Variants in SNAP47 observed in about 807,000 individuals in gnomAD.
SNAP47 encodes synaptosomal-associated protein 47.
SNAP47 carries 20 observed loss-of-function variants against 31.4 expected under a neutral mutation model. The ratio of observed to expected loss-of-function variants is 0.64; its 90% CI spans 0.45 to 0.93. The LOEUF (loss-of-function observed/expected upper bound fraction) is 0.93. SNAP47 is among the 40% of genes least tolerant of loss of function. SNAP47 has a pLI of 0.00. For synonymous variants in SNAP47, 194 were observed against 213.4 expected (o/e 0.91, Z 0.79); for missense variants, 492 against 528.5 (o/e 0.93, Z 0.68).
intron 2 of SNAP47, among the ~76,000 whole-genome samples, chr1:227,752,398 C>A (rs1347264850): frequency 6.6e-6 from 1 of 152,132 alleles, no homozygotes; most frequent in African/African-American, 2.4e-5. Flanking sequence ...CTTGGCCACT[C>A]TCTCCCCGCT....
upstream of SNAP47, chr1:227,734,554 T>C: frequency 8.7e-7 from 1 of 1,149,294 alleles, no homozygotes; most frequent in Non-Finnish European, 1.3e-6. Context: ...GAAAAATAGC[T>C]CCGTTGTGCA....
At chr1:227,765,559 G>A (rs1453131392) in intron 3 of SNAP47, among the ~76,000 whole-genome samples, 1 of 152,244 alleles carries the variant, frequency 6.6e-6, no homozygotes, top group Non-Finnish European at 1.5e-5. Context: ...GCTTCCCAGA[G>A]AGCACCCACA....
chr1:227,750,754 A>G (rs1410866543), intron 2 of SNAP47, among the ~76,000 whole-genome samples: 2 of 152,294 alleles, frequency 1.3e-5, no homozygotes, highest in African/African-American at 2.4e-5. Context: ...TGGGTGCACA[A>G]TGTGGCTTTC....
upstream of SNAP47, chr1:227,734,785 C>T: frequency 1.2e-6 from 2 of 1,614,058 alleles, no homozygotes; most frequent in African/African-American, 2.7e-5. Flanking sequence ...ATTCCTGGAC[C>T]CCACAGTTTG....
intron 2 of SNAP47, among the ~76,000 whole-genome samples, chr1:227,757,494 C>G (rs1484264305): frequency 6.6e-6 from 1 of 152,160 alleles, no homozygotes; most frequent in Admixed American, 6.5e-5. Context: ...AACTGTGCAC[C>G]TTTTGTTTTA....
At chr1:227,776,132 C>A in intron 4 of SNAP47, 1 of 1,161,356 alleles carries the variant, frequency 8.6e-7, no homozygotes, top group Non-Finnish European at 1.1e-6. Flanking sequence ...CTGGCTCTGA[C>A]GCCCTCAGCG....
At chr1:227,768,229 C>G (rs988355061) in intron 4 of SNAP47, 35 of 973,412 alleles carry the variant, frequency 3.6e-5, no homozygotes, top group Non-Finnish European at 4.2e-5. Flanking sequence ...GTGCAGCTTC[C>G]GTCTCGTCTT....
intron 4 of SNAP47, among the ~76,000 whole-genome samples, chr1:227,772,942 G>A (rs1663916180): frequency 1.3e-5 from 2 of 152,030 alleles, no homozygotes; most frequent in Admixed American, 1.3e-4. Context: ...TTTGATTACT[G>A]TAGCTTTGTC....
intron 1 of SNAP47, among the ~76,000 whole-genome samples, chr1:227,740,126 T>G (rs1457556604): frequency 1.3e-5 from 2 of 152,206 alleles, no homozygotes; most frequent in African/African-American, 4.8e-5. Flanking sequence ...GAGTTTTGCT[T>G]GGGCCATGGT....
At chr1:227,738,006 G>T (rs532253828) in intron 1 of SNAP47, among the ~76,000 whole-genome samples, 26 of 151,582 alleles carry the variant, frequency 1.7e-4, no homozygotes, top group East Asian at 1.6e-3. Flanking sequence ...TTTTGCTTTG[G>T]TTTTTTTTGG....
chr1:227,748,338 C>G, intron 2 of SNAP47, 105 bp downstream of exon 2: 1 of 1,269,736 alleles, frequency 7.9e-7, no homozygotes, highest in Non-Finnish European at 1.1e-6. Flanking sequence ...TTGCACACAT[C>G]CAGCATTCTG....
chr1:227,739,813 A>C (rs1661470427), intron 1 of SNAP47, among the ~76,000 whole-genome samples: 1 of 151,952 alleles, frequency 6.6e-6, no homozygotes, highest in Non-Finnish European at 1.5e-5. Context: ...CCTGGCCATG[A>C]CCTCCCTCGA....
chr1:227,750,071 C>T (rs1386307828), intron 2 of SNAP47, among the ~76,000 whole-genome samples: 1 of 152,202 alleles, frequency 6.6e-6, no homozygotes, highest in Non-Finnish European at 1.5e-5. Context: ...ATTGGTGCAT[C>T]AGTATTGCAT....
chr1:227,769,463 C>T (rs1663650189), intron 4 of SNAP47, among the ~76,000 whole-genome samples: 1 of 151,932 alleles, frequency 6.6e-6, no homozygotes, highest in Admixed American at 6.6e-5. Context: ...ACAGTTGAAG[C>T]TCAAGCAGAA....
At chr1:227,733,152 TC>T, upstream of SNAP47, 1 of 1,104,440 alleles carries the variant, frequency 9.1e-7, no homozygotes, top group South Asian at 1.5e-5. Flanking sequence ...CCCTCCTGTC[TC>T]CCAGCAGGGC....
chr1:227,753,347 A>C (rs576705775), intron 2 of SNAP47, among the ~76,000 whole-genome samples: 1 of 152,196 alleles, frequency 6.6e-6, no homozygotes, highest in African/African-American at 2.4e-5. Context: ...TAAGATTTCT[A>C]CCTCACTTAT....
intron 2 of SNAP47, among the ~76,000 whole-genome samples, chr1:227,751,865 G>A (rs932296641): frequency 7.3e-6 from 1 of 137,248 alleles, no homozygotes; most frequent in Non-Finnish European, 1.5e-5. Context: ...CCGGGTTCCT[G>A]CCATTCTCCT....
intron 3 of SNAP47, 103 bp from the exon 4 acceptor site, chr1:227,766,856 C>G: frequency 6.6e-7 from 1 of 1,505,190 alleles, no homozygotes; most frequent in African/African-American, 1.4e-5. Context: ...CGTGTGGTGG[C>G]GGGAGGAACA....
intron 1 of SNAP47, among the ~76,000 whole-genome samples, chr1:227,736,813 C>T (rs776169777): frequency 4.0e-5 from 6 of 151,044 alleles, no homozygotes; most frequent in African/African-American, 9.7e-5. Flanking sequence ...TGAGCCACTG[C>T]GCCAGGCCCT....
Sources: gnomAD v4.1 joint callset for allele counts (sites outside exome capture counted in the v4.1 genomes callset) on GRCh38, gnomAD v4.1.1 for gene constraint, MANE v1.5 for transcripts, NCBI Gene and HGNC (gene_info 2026-07-23, HGNC 2026-07-21) for gene names.